The following EIF3H variants were observed in gnomAD, a reference collection of about 807,000 sequenced individuals.
EIF3H encodes eukaryotic translation initiation factor 3 subunit H, also known as eIF-3-gamma.
EIF3H carries 26 observed loss-of-function variants against 44.2 expected under a neutral mutation model. That is an observed-to-expected ratio of 0.59 (90% CI 0.43 to 0.82). The LOEUF is 0.82. EIF3H is among the 40% of genes least tolerant of loss of function. The pLI is 0.00. For missense variants in EIF3H, 359 were observed against 432.8 expected (o/e 0.83, Z 1.51); for synonymous variants, 166 against 151.9 (o/e 1.09, Z -0.68).
At chr8:116,684,560 T>G (rs758456862) in intron 2 of EIF3H, among the ~76,000 whole-genome samples, 1 of 152,088 alleles carries the variant, frequency 6.6e-6, no homozygotes, top group South Asian at 2.1e-4. Flanking sequence ...ATTTTTTTTT[T>G]AAAGCAACAG....
intron 1 of EIF3H, among the ~76,000 whole-genome samples, chr8:116,752,751 AAGAGGGAGGGAGGGAG>A (rs1815374676): frequency 1.2e-5 from 1 of 82,066 alleles, no homozygotes; most frequent in African/African-American, 4.7e-5. Flanking sequence ...GAAAGAAAGA[AAGAGGGAGGGAGGGAG>A]GGAGGGAGGG....
At chr8:116,678,792 T>C (rs1341366209) in intron 2 of EIF3H, among the ~76,000 whole-genome samples, 8 of 127,108 alleles carry the variant, frequency 6.3e-5, no homozygotes, top group Non-Finnish European at 1.0e-4. Context: ...AGCCCCTCCG[T>C]CCGGCAGCCA....
intron 2 of EIF3H, among the ~76,000 whole-genome samples, chr8:116,682,557 GGTCTATA>G (rs1427658922): frequency 6.6e-6 from 1 of 152,090 alleles, no homozygotes; most frequent in Non-Finnish European, 1.5e-5. Flanking sequence ...ACACTTCCTA[GGTCTATA>G]TCACCTTTCA....
chr8:116,646,332 G>T, intron 7 of EIF3H, 139 bp downstream of exon 7: 2 of 1,256,978 alleles, frequency 1.6e-6, no homozygotes, highest in Non-Finnish European at 2.3e-6. Flanking sequence ...TATTACAGGT[G>T]CTAGATTCAA....
At chr8:116,715,341 G>GA (rs35579703) in intron 2 of EIF3H, among the ~76,000 whole-genome samples, 16,062 of 147,990 alleles carry the variant, frequency 0.11, 1,243 homozygotes, top group East Asian at 0.43. Context: ...TACTGAAAAT[G>GA]AAAAAAAAAC....
At position 116,655,890 on chromosome 8, in the gene EIF3H, C is replaced by A. The variant is rs755682334; in HGVS notation, c.673G>T (p.Ala225Ser). 7 of 1,613,732 alleles carry A rather than the reference C, an allele frequency of 4.3e-6. No individual in the cohort carries two copies. The South Asian group carries it at 7.7e-5, about 18-fold the overall frequency. Residue 225 changes from alanine to serine, a missense_variant, in exon 5 of 8, where the codon GCA (alanine) becomes TCA (serine). By Grantham distance (99) the Ala-to-Ser change is moderately conservative. This residue lies in a region of EIF3H where 85 missense variants were observed against 79.2 expected (regional missense o/e 1.07). Coordinates refer to ENST00000521861, the MANE Select transcript of EIF3H (RefSeq NM_003756.3). Reference protein sequence around the residue: ...MWELEKKSAVADKHELLSLAS... With the variant: ...MWELEKKSAVSDKHELLSLAS... ...AGGCTGAGCAATTCATGTTTATCTG[C>A]AACAGCTGACTTCTTTTCAAGTTCC... is the stretch of plus-strand genomic sequence containing the variant.
intron 2 of EIF3H, among the ~76,000 whole-genome samples, chr8:116,686,423 G>A (rs995643298): frequency 2.0e-5 from 3 of 152,000 alleles, no homozygotes; most frequent in Non-Finnish European, 4.4e-5. Flanking sequence ...AAACGTGCTC[G>A]AGTCATCCAT....
intron 2 of EIF3H, among the ~76,000 whole-genome samples, chr8:116,721,783 C>G (rs1814750871): frequency 6.6e-6 from 1 of 152,238 alleles, no homozygotes; most frequent in Admixed American, 6.5e-5. Context: ...CTGGGGCCTT[C>G]AGCCCCTTCA....
Position 116,740,537 on chromosome 8 carries a change from A to G in EIF3H, c.133-14365T>C, listed in dbSNP as rs1056658344. ...AGCAGCAGGGCCCACTTTGAATCACAACTTCTGTAAGACAGTGATTTATTT... is the reference window on the plus strand; with the variant it reads ...AGCAGCAGGGCCCACTTTGAATCACGACTTCTGTAAGACAGTGATTTATTT... On this transcript the variant is annotated intron_variant, in intron 1 of 7. Coordinates refer to ENST00000521861, the MANE Select transcript of EIF3H (RefSeq NM_003756.3). Among the ~76,000 whole-genome samples, 10 of 152,188 alleles carry G rather than the reference A, an allele frequency of 6.6e-5. No homozygotes were observed. The South Asian group carries it at 2.1e-3, about 32-fold the overall frequency.
At chr8:116,688,107 T>C (rs1814108548) in intron 2 of EIF3H, among the ~76,000 whole-genome samples, 2 of 152,096 alleles carry the variant, frequency 1.3e-5, no homozygotes, top group Admixed American at 1.3e-4. Context: ...TGTAGAAACA[T>C]ACCTGAATTC....
At chr8:116,752,787 G>GGAA (rs1563663256) in intron 1 of EIF3H, among the ~76,000 whole-genome samples, 758 of 27,348 alleles carry the variant, frequency 0.028, 80 homozygotes, top group South Asian at 0.11. Flanking sequence ...GAGGGAGGGA[G>GGAA]GGAGGGAGGG....
chr8:116,679,745 C>T (rs1382697806), intron 2 of EIF3H, among the ~76,000 whole-genome samples: 1 of 8,812 alleles, frequency 1.1e-4, no homozygotes, highest in Non-Finnish European at 3.0e-4. Context: ...CCAGCCGCCC[C>T]GTCCGGGAGG....
intron 2 of EIF3H, among the ~76,000 whole-genome samples, chr8:116,664,595 G>C (rs6981932): frequency 0.55 from 83,161 of 152,032 alleles, 24,660 homozygotes; most frequent in Non-Finnish European, 0.67. Context: ...TGAAAAACAG[G>C]AACAAAGAAT....
chr8:116,681,666 C>CAAAA (rs1176033381), intron 2 of EIF3H, among the ~76,000 whole-genome samples: 155 of 90,744 alleles, frequency 1.7e-3, no homozygotes, highest in Admixed American at 4.9e-3. Flanking sequence ...AACTCCATCT[C>CAAAA]AAAAAAAAAA....
In EIF3H at chr8:116,644,955, G is replaced by T; in HGVS notation, c.*51C>A. 1 of 1,397,772 alleles carries T rather than the reference G, an allele frequency of 7.2e-7. No homozygotes were observed. Among genetic ancestry groups the T allele is most frequent in the Non-Finnish European group, 1.0e-6 (1 of 988,416 alleles). The allele number at this position is 1,397,772 out of a possible 1,614,324, so 86.6% of individuals were successfully genotyped here. On this transcript the variant is annotated 3_prime_UTR_variant, in exon 8 of 8. Transcript: ENST00000521861. ...ATATATTTCTTCCAAGAGTTGCCCT[G>T]GTGTGACTTCAAGAGTTCATGTTAA...
chr8:116,731,670 G>A (rs1347202819), intron 1 of EIF3H, among the ~76,000 whole-genome samples: 1 of 152,150 alleles, frequency 6.6e-6, no homozygotes, highest in Non-Finnish European at 1.5e-5. Context: ...ATAAACAAGA[G>A]GGAAGGTAAT....
At chr8:116,656,137 AAGT>A (rs1369102005) in intron 4 of EIF3H, 132 bp from the exon 5 acceptor site, 2 of 703,318 alleles carry the variant, frequency 2.8e-6, no homozygotes, top group Admixed American at 3.6e-5. Context: ...AAAAAAAAAA[AAGT>A]AGAGAAACTG....
intron 1 of EIF3H, among the ~76,000 whole-genome samples, chr8:116,731,798 C>T (rs571413838): frequency 6.6e-6 from 1 of 152,266 alleles, no homozygotes; most frequent in South Asian, 2.1e-4. Context: ...TTTGTTTACC[C>T]TATAAATTAG....
At chr8:116,720,609 G>A (rs544551531) in intron 2 of EIF3H, among the ~76,000 whole-genome samples, 2 of 152,220 alleles carry the variant, frequency 1.3e-5, no homozygotes, top group Non-Finnish European at 1.5e-5. Context: ...ATAACAGGCA[G>A]AGGCTGAAAC....
Sources: gnomAD v4.1 joint callset for allele counts (sites outside exome capture counted in the v4.1 genomes callset) on GRCh38, gnomAD v4.1.1 for gene constraint, gnomAD v4.1.1 regional missense constraint, MANE v1.5 for transcripts, NCBI Gene and HGNC (gene_info 2026-07-23, HGNC 2026-07-21) for gene names.